The following FAT3 variants were observed in gnomAD, a reference collection of about 807,000 sequenced individuals.
The protein encoded by FAT3 is protocadherin Fat 3.
FAT3 carries 95 observed loss-of-function variants against 310.2 expected under a neutral mutation model. The ratio of observed to expected loss-of-function variants is 0.31; its 90% CI spans 0.26 to 0.36. FAT3 has a LOEUF of 0.36. FAT3 is among the 10% of genes least tolerant of loss of function. The pLI, the probability that FAT3 is intolerant of heterozygous loss-of-function variation, is 1.00. For missense variants in FAT3, 5,408 were observed against 5,715.6 expected, an observed-to-expected ratio of 0.95 and a Z score of 1.74; for synonymous variants, 2,314 against 2,192.9, an observed-to-expected ratio of 1.06 and a Z score of -1.54.
At position 92,725,472 on chromosome 11, in the gene FAT3, G is replaced by C. The variant is rs144941681; in HGVS notation, c.3669+28027G>C. 1.9e-4 allele frequency among the ~76,000 whole-genome samples: 29 copies of C among 152,064 alleles called. 2 individuals are homozygous for C. The East Asian group carries it at 5.6e-3, about 29-fold the overall frequency. On this transcript the variant is annotated intron_variant, in intron 4 of 27. Transcript: ENST00000525166. ...TTCAGCTTGACTTTTCCTATCCCTA[G>C]GCATCCGCTTTCTATAAACACAGCT...
chr11:92,576,914 C>A (rs1238290203), intron 3 of FAT3, among the ~76,000 whole-genome samples: 2 of 151,800 alleles, frequency 1.3e-5, no homozygotes, highest in African/African-American at 4.8e-5. Flanking sequence ...TTACAGCATA[C>A]AGGCCAAGGA....
chr11:92,721,669 A>G (rs554636618), intron 4 of FAT3, among the ~76,000 whole-genome samples: 7 of 152,264 alleles, frequency 4.6e-5, no homozygotes, highest in Admixed American at 1.3e-4. Flanking sequence ...GCTCATGCCA[A>G]TTGTATTAAG....
intron 2 of FAT3, among the ~76,000 whole-genome samples, chr11:92,433,174 T>C (rs1195065610): frequency 1.3e-5 from 2 of 152,152 alleles, no homozygotes; most frequent in Non-Finnish European, 2.9e-5. Flanking sequence ...GTTGGCCCCA[T>C]GGGGGTAGGA....
intron 2 of FAT3, among the ~76,000 whole-genome samples, chr11:92,473,778 A>G (rs1951972656): frequency 6.6e-6 from 1 of 152,236 alleles, no homozygotes; most frequent in Non-Finnish European, 1.5e-5. Context: ...CACAGGGACT[A>G]GCAAGAAACT....
chr11:92,866,839 G>A lies in FAT3; in HGVS notation c.11757G>A (p.Ser3919=), dbSNP rs767505080. Residue 3919 remains serine (S), a synonymous_variant, in exon 22 of 28, where the codon TCG becomes TCA. Transcript: ENST00000525166. The part of the protein sequence containing the change: ...GRAVNDGSWH[S]VFLELNRNFT... The stretch of plus-strand genomic sequence containing the variant: ...CTGTCAACGACGGGAGCTGGCACTC[G>A]GTCTTCCTGGAGCTCAACCGCAATT... The A allele has an allele frequency of 5.0e-6, 8 of 1,613,910 alleles. No individual in the cohort carries two copies. Among genetic ancestry groups the A allele is most frequent in the Non-Finnish European group, 5.9e-6 (7 of 1,179,862 alleles).
intron 13 of FAT3, among the ~76,000 whole-genome samples, chr11:92,822,579 C>A (rs1947996254): frequency 6.6e-6 from 1 of 152,176 alleles, no homozygotes; most frequent in Non-Finnish European, 1.5e-5. Context: ...CCTTGACAGG[C>A]ACGATTATGT....
chr11:92,322,558 G>T lies in FAT3; in HGVS notation c.-17-29538G>T, dbSNP rs200145154. 9.8e-5 allele frequency among the ~76,000 whole-genome samples: 15 copies of T among 152,308 alleles called. No individual in the cohort carries two copies. In the East Asian group the frequency reaches 2.7e-3, roughly 27 times the overall value. ...GTTTGATAGCATTTAACCTACAGCA[G>T]AACTTTCAAAATTGGAGTCAGTCCT... On this transcript the variant is annotated intron_variant, in intron 1 of 27. Transcript: ENST00000525166.
chr11:92,231,770 T>C (rs897349278), intron 1 of FAT3, among the ~76,000 whole-genome samples: 2 of 151,646 alleles, frequency 1.3e-5, no homozygotes, highest in South Asian at 4.2e-4. Context: ...TTAAATTTAG[T>C]GACAAATGTG....
rs1323934488 is a variant in FAT3 at position 92,844,862 on chromosome 11, A to G, written c.11365+130A>G. 4.4e-6 allele frequency: 5 copies of G among 1,138,174 alleles called. 1 individual carries two copies. In the East Asian group the frequency reaches 1.0e-4, roughly 24 times the overall value. The allele number at this position is 1,138,174 out of a possible 1,614,324, so 70.5% of individuals were successfully genotyped here. A position where few individuals can be genotyped will look rare whatever the true frequency, so the allele number is the denominator to read the frequency against. ...TAAATGATCAATTACTGTGTGCCCA[A>G]AAGCCATGATAGATGCTGGGGCTGC... On this transcript the variant is annotated intron_variant, in intron 19 of 27. Transcript: ENST00000525166.
chr11:92,592,885 G>A (rs745456985), intron 3 of FAT3, among the ~76,000 whole-genome samples: 4 of 151,818 alleles, frequency 2.6e-5, no homozygotes, highest in South Asian at 2.1e-4. Flanking sequence ...GTAGTATTAC[G>A]TATATTCACA....
intron 7 of FAT3, among the ~76,000 whole-genome samples, chr11:92,784,711 C>A (rs1404358548): frequency 6.6e-6 from 1 of 152,024 alleles, no homozygotes; most frequent in Non-Finnish European, 1.5e-5. Flanking sequence ...CAAATGGCCC[C>A]GACTGTGGGA....
At chr11:92,861,606 A>G (rs539576159) in intron 21 of FAT3, among the ~76,000 whole-genome samples, 90 of 152,202 alleles carry the variant, frequency 5.9e-4, no homozygotes, top group Non-Finnish European at 5.7e-4. Flanking sequence ...ATCACTCCCA[A>G]TCTGTCTGTT....
chr11:92,805,241 G>A lies in FAT3; in HGVS notation c.8985G>A (p.Gln2995=), dbSNP rs1418733531. 13 of 1,613,740 alleles carry A rather than the reference G, an allele frequency of 8.1e-6. No homozygotes were observed. The East Asian group carries it at 2.9e-4, about 36-fold the overall frequency. ...AGAGGCCTCTAGACAGAGAAGAACA[G>A]GACATTTACTTTCTCAATATCACTG... ...YVKRPLDREE[Q]DIYFLNITAT... is the part of the protein sequence containing the mutation. Residue 2995 remains glutamine (Q), a synonymous_variant, in exon 11 of 28, where the codon CAG becomes CAA. Transcript: ENST00000525166.
intron 13 of FAT3, among the ~76,000 whole-genome samples, chr11:92,824,554 G>A (rs1158880911): frequency 1.3e-5 from 2 of 152,122 alleles, no homozygotes; most frequent in African/African-American, 2.4e-5. Flanking sequence ...TGGTATGGAT[G>A]TTGACAATTA....
At chr11:92,427,304 C>A (rs547418327) in intron 2 of FAT3, among the ~76,000 whole-genome samples, 48 of 152,212 alleles carry the variant, frequency 3.2e-4, no homozygotes, top group African/African-American at 1.2e-3. Context: ...AATATACAAT[C>A]CTGTCATCTG....
chr11:92,411,518 C>G (rs1950268730), intron 2 of FAT3, among the ~76,000 whole-genome samples: 1 of 152,090 alleles, frequency 6.6e-6, no homozygotes. Context: ...TGAACCTTTT[C>G]TCAGGGCAAG....
At chr11:92,307,946 T>A (rs2134446047) in intron 1 of FAT3, among the ~76,000 whole-genome samples, 1 of 152,322 alleles carries the variant, frequency 6.6e-6, no homozygotes, top group South Asian at 2.1e-4. Context: ...CTTATGGAAA[T>A]TTGATCTTTA....
intron 12 of FAT3, among the ~76,000 whole-genome samples, chr11:92,809,118 A>G (rs1410724463): frequency 6.6e-6 from 1 of 152,106 alleles, no homozygotes; most frequent in African/African-American, 2.4e-5. Flanking sequence ...ATCTCCACAA[A>G]AGCTGGTTTC....
At chr11:92,286,254 T>C (rs1472463509) in intron 1 of FAT3, among the ~76,000 whole-genome samples, 3 of 152,160 alleles carry the variant, frequency 2.0e-5, no homozygotes, top group African/African-American at 7.2e-5. Context: ...AATTCAGGGT[T>C]CAAGTCTTTT....
Sources: allele counts gnomAD v4.1 joint callset (sites outside exome capture counted in the v4.1 genomes callset), GRCh38; gene constraint gnomAD v4.1.1; transcripts MANE v1.5; gene names NCBI Gene and HGNC (gene_info 2026-07-23, HGNC 2026-07-21).